The following PRKD1 variants were observed in gnomAD, a reference collection of about 807,000 sequenced individuals.
The protein encoded by PRKD1 is protein kinase D1, also known as serine/threonine-protein kinase D1.
Under a neutral mutation model 95.9 loss-of-function variants are expected in PRKD1, and 63 were observed. The ratio of observed to expected loss-of-function variants is 0.66; its 90% CI spans 0.54 to 0.81. The LOEUF (loss-of-function observed/expected upper bound fraction) is 0.81, where lower values mean the gene tolerates loss of function less well. Ranked by LOEUF, PRKD1 falls within the 30% of genes least tolerant of loss-of-function variation. The pLI, the probability that PRKD1 is intolerant of heterozygous loss-of-function variation, is 0.00. For missense variants in PRKD1, 1,048 were observed against 1,165.3 expected (o/e 0.90, Z 1.47); for synonymous variants, 425 against 423.1 (o/e 1.00, Z -0.05).
At chr14:29,684,764 C>A (rs1264816617) in intron 2 of PRKD1, among the ~76,000 whole-genome samples, 1 of 152,170 alleles carries the variant, frequency 6.6e-6, no homozygotes, top group Non-Finnish European at 1.5e-5. Flanking sequence ...AGGGCTAAGG[C>A]AGGCTGTTCC....
intron 2 of PRKD1, among the ~76,000 whole-genome samples, chr14:29,696,283 T>C (rs1415802956): frequency 6.6e-6 from 1 of 152,198 alleles, no homozygotes; most frequent in Non-Finnish European, 1.5e-5. Flanking sequence ...AAGTTTTTAT[T>C]TTTTATTTTT....
At chr14:29,759,350 C>T (rs1212100894) in intron 1 of PRKD1, among the ~76,000 whole-genome samples, 1 of 152,114 alleles carries the variant, frequency 6.6e-6, no homozygotes, top group African/African-American at 2.4e-5. Context: ...AAGCACAGCA[C>T]CCATGAAATA....
chr14:29,897,708 G>C (rs10498311), intron 1 of PRKD1, among the ~76,000 whole-genome samples: 9,877 of 152,186 alleles, frequency 0.065, 392 homozygotes, highest in South Asian at 0.11. Context: ...TTAAAGCTAT[G>C]ATGTAGAGGT....
chr14:29,866,752 A>T lies in PRKD1; in HGVS notation c.264+60497T>A, dbSNP rs192407640. On this transcript the variant is annotated intron_variant, in intron 1 of 17. Coordinates refer to ENST00000331968, the MANE Select transcript of PRKD1 (RefSeq NM_002742.3). ...AGAGCAGATCTAAACAGGATTTACAAAGAAGAATGTGGCAGAGGTAGGAGG... is the reference window on the plus strand; with the variant it reads ...AGAGCAGATCTAAACAGGATTTACATAGAAGAATGTGGCAGAGGTAGGAGG... 2.3e-3 allele frequency among the ~76,000 whole-genome samples: 354 copies of T among 152,286 alleles called. 1 individual carries two copies. Among genetic ancestry groups the T allele is most frequent in the African/African-American group, 8.4e-3 (351 of 41,568 alleles).
intron 2 of PRKD1, among the ~76,000 whole-genome samples, chr14:29,690,111 C>T (rs138195172): frequency 8.6e-5 from 13 of 151,958 alleles, no homozygotes; most frequent in Non-Finnish European, 1.2e-4. Context: ...ACATGTATCC[C>T]GGAACTTAAA....
intron 1 of PRKD1, among the ~76,000 whole-genome samples, chr14:29,822,450 C>G (rs1043869973): frequency 2.0e-5 from 3 of 152,180 alleles, no homozygotes; most frequent in African/African-American, 7.2e-5. Context: ...TCCAAAATGG[C>G]TTTGCTGTTT....
At chr14:29,585,792 G>C (rs1263768987) in intron 16 of PRKD1, among the ~76,000 whole-genome samples, 1 of 152,124 alleles carries the variant, frequency 6.6e-6, no homozygotes, top group Non-Finnish European at 1.5e-5. Flanking sequence ...CGTTTTAATG[G>C]ACTACACACT....
intron 1 of PRKD1, among the ~76,000 whole-genome samples, chr14:29,734,664 G>GT (rs2139418991): frequency 6.6e-6 from 1 of 152,270 alleles, no homozygotes; most frequent in South Asian, 2.1e-4. Context: ...GCCCTAGGAA[G>GT]TGGTCATTTC....
At chr14:29,721,927 A>C (rs1885918243) in intron 2 of PRKD1, among the ~76,000 whole-genome samples, 1 of 152,108 alleles carries the variant, frequency 6.6e-6, no homozygotes, top group Non-Finnish European at 1.5e-5. Flanking sequence ...CGGAGGGAGA[A>C]AAAAATCAGC....
At chr14:29,857,287 C>A (rs922817371) in intron 1 of PRKD1, among the ~76,000 whole-genome samples, 7 of 152,260 alleles carry the variant, frequency 4.6e-5, no homozygotes, top group African/African-American at 1.7e-4. Flanking sequence ...TCCACACTAC[C>A]CTCATTTGCA....
At chr14:29,846,934 C>A (rs1248067770) in intron 1 of PRKD1, among the ~76,000 whole-genome samples, 2 of 152,086 alleles carry the variant, frequency 1.3e-5, no homozygotes, top group Non-Finnish European at 2.9e-5. Flanking sequence ...CTGGAAAACC[C>A]CACAGCTCCC....
intron 1 of PRKD1, among the ~76,000 whole-genome samples, chr14:29,884,283 A>T (rs1182443212): frequency 6.6e-6 from 1 of 152,178 alleles, no homozygotes; most frequent in Non-Finnish European, 1.5e-5. Context: ...ATATATAACA[A>T]TACCTCAAAT....
intron 1 of PRKD1, among the ~76,000 whole-genome samples, chr14:29,759,547 A>G (rs538431890): frequency 6.6e-6 from 1 of 152,328 alleles, no homozygotes; most frequent in Non-Finnish European, 1.5e-5. Context: ...TAACTACATC[A>G]CTATCCCTCC....
intron 12 of PRKD1, among the ~76,000 whole-genome samples, chr14:29,624,825 T>C (rs1281536339): frequency 3.3e-5 from 5 of 152,130 alleles, no homozygotes; most frequent in African/African-American, 1.2e-4. Flanking sequence ...TGGTTAGTTA[T>C]CATCATCATC....
At chr14:29,721,447 CAT>C (rs1885892095) in intron 2 of PRKD1, among the ~76,000 whole-genome samples, 1 of 152,154 alleles carries the variant, frequency 6.6e-6, no homozygotes, top group East Asian at 1.9e-4. Flanking sequence ...GATACACACA[CAT>C]ATAGACATAA....
intron 1 of PRKD1, among the ~76,000 whole-genome samples, chr14:29,883,177 C>T (rs988688409): frequency 3.9e-5 from 6 of 152,062 alleles, no homozygotes; most frequent in South Asian, 2.1e-4. Flanking sequence ...AAAACCAGAT[C>T]CCATGAGTAT....
At chr14:29,714,485 T>C (rs1885498300) in intron 2 of PRKD1, among the ~76,000 whole-genome samples, 1 of 152,038 alleles carries the variant, frequency 6.6e-6, no homozygotes. Context: ...TGTGGAGAAA[T>C]AGGAAAGCTT....
At position 29,903,221 on chromosome 14, in the gene PRKD1, T is replaced by G. The variant is rs372012219; in HGVS notation, c.264+24028A>C. 4.1e-4 allele frequency among the ~76,000 whole-genome samples: 62 copies of G among 152,346 alleles called. 1 individual carries two copies. The highest frequency in any genetic ancestry group is 1.3e-3 in the African/African-American group (55 of 41,590). ...TAACAAATAATGTATTGGCCTTCCC[T>G]AAGACCTCAGTTGCACAGGAGCATA... On this transcript the variant is annotated intron_variant, in intron 1 of 17. Transcript: ENST00000331968.
intron 16 of PRKD1, chr14:29,594,226 C>T: frequency 7.2e-6 from 3 of 414,992 alleles, no homozygotes; most frequent in South Asian, 3.5e-5. Flanking sequence ...CACATCTATG[C>T]ATGTTATTAA....
Sources: allele counts gnomAD v4.1 joint callset (sites outside exome capture counted in the v4.1 genomes callset), GRCh38; gene constraint gnomAD v4.1.1; transcripts MANE v1.5; gene names NCBI Gene and HGNC (gene_info 2026-07-23, HGNC 2026-07-21).